KCNN2: variants seen among roughly 807,000 people sequenced by gnomAD.
KCNN2 encodes potassium calcium-activated channel subfamily N member 2.
In KCNN2, 24 loss-of-function variants were observed where a neutral mutation model predicts 55.5. The ratio of observed to expected loss-of-function variants is 0.43; its 90% CI spans 0.31 to 0.61. The LOEUF (loss-of-function observed/expected upper bound fraction) is 0.61, where lower values mean the gene tolerates loss of function less well. KCNN2 is among the 20% of genes least tolerant of loss of function. The pLI is 0.08. For synonymous variants in KCNN2, 431 were observed against 336.1 expected, an observed-to-expected ratio of 1.28 and a Z score of -3.09; for missense variants, 754 against 853.6, an observed-to-expected ratio of 0.88 and a Z score of 1.45.
intron 2 of KCNN2, among the ~76,000 whole-genome samples, chr5:114,350,856 T>C (rs1757193612): frequency 6.6e-6 from 1 of 151,898 alleles, no homozygotes; most frequent in Non-Finnish European, 1.5e-5. Context: ...TTGATTACTA[T>C]ACCTTTGCAG....
intron 1 of KCNN2, among the ~76,000 whole-genome samples, chr5:114,144,510 G>A (rs1400511936): frequency 2.0e-5 from 3 of 152,034 alleles, no homozygotes; most frequent in Non-Finnish European, 4.4e-5. Context: ...AGAATTTTTT[G>A]TAGAATATTG....
At chr5:114,199,382 T>G (rs1753623475) in intron 1 of KCNN2, among the ~76,000 whole-genome samples, 1 of 152,092 alleles carries the variant, frequency 6.6e-6, no homozygotes, top group Non-Finnish European at 1.5e-5. Context: ...TGCCAATCTG[T>G]ATCTTTTAAG....
chr5:114,159,312 T>C (rs1341422906), intron 1 of KCNN2, among the ~76,000 whole-genome samples: 1 of 152,212 alleles, frequency 6.6e-6, no homozygotes, highest in Non-Finnish European at 1.5e-5. Flanking sequence ...CATTTATTGA[T>C]TTTCATATAT....
chr5:114,467,904 T>C (rs1489403606), intron 4 of KCNN2, among the ~76,000 whole-genome samples: 3 of 152,178 alleles, frequency 2.0e-5, no homozygotes, highest in Non-Finnish European at 1.5e-5. Flanking sequence ...TCAGGAGATT[T>C]AAACCGAGGG....
chr5:114,122,250 A>T (rs1458267740), intron 1 of KCNN2, among the ~76,000 whole-genome samples: 1 of 152,162 alleles, frequency 6.6e-6, no homozygotes, highest in Non-Finnish European at 1.5e-5. Context: ...GAGCCATGGC[A>T]TTGTGAGTAA....
intron 1 of KCNN2, among the ~76,000 whole-genome samples, chr5:114,195,318 G>A (rs550123130): frequency 2.6e-5 from 4 of 151,660 alleles, no homozygotes; most frequent in African/African-American, 9.7e-5. Context: ...TCTGAACCAT[G>A]GATGTGAAAT....
chr5:114,393,956 A>G (rs937493540), intron 2 of KCNN2, among the ~76,000 whole-genome samples: 5 of 136,064 alleles, frequency 3.7e-5, no homozygotes, highest in African/African-American at 5.9e-5. Flanking sequence ...TATACAAGCA[A>G]TGCTGCAACA....
At chr5:114,184,196 A>G (rs148092087) in intron 1 of KCNN2, among the ~76,000 whole-genome samples, 4 of 152,322 alleles carry the variant, frequency 2.6e-5, no homozygotes, top group Non-Finnish European at 5.9e-5. Context: ...ACTCAGTATC[A>G]TAGTGTTCTC....
intron 1 of KCNN2, among the ~76,000 whole-genome samples, chr5:114,157,956 G>C (rs112016817): frequency 0.31 from 46,033 of 150,766 alleles, 7,606 homozygotes; most frequent in Non-Finnish European, 0.38. Context: ...TGTAGGTTGC[G>C]TGTTCACTCT....
rs190459370 is a variant in KCNN2, at chr5:114,100,323, G to A, written c.-271+43823G>A. ...ATGGAGCTCTAGCTTTCTTCCCTTA[G>A]TGGAATATATTTTAAAAGTAAAATG... On this transcript the variant is annotated intron_variant, in intron 1 of 10. Transcript: ENST00000512097. Among the ~76,000 whole-genome samples the A allele has an allele frequency of 1.7e-3, 258 of 152,206 alleles. 1 individual carries two copies. The highest frequency in any genetic ancestry group is 5.8e-3 in the African/African-American group (241 of 41,544).
Position 114,404,543 on chromosome 5 carries a change from C to G in KCNN2, c.1324C>G (p.Pro442Ala). ...EILVCAIHPI[P>A]GNYTFTWTAR... ...ACTGGTGTGTGCTATTCATCCCATA[C>G]CTGGGAATTATACATTCACATGGAC... Residue 442 changes from proline (P) to alanine (A), a missense_variant, in exon 3 of 8, where the codon CCT (proline) becomes GCT (alanine). This residue lies in a region of KCNN2 where 123 missense variants were observed against 204.9 expected (regional missense o/e 0.60). Transcript: ENST00000673685. 1 of 1,613,422 alleles carries G rather than the reference C, an allele frequency of 6.2e-7. No homozygotes were observed. Among genetic ancestry groups the G allele is most frequent in the Non-Finnish European group, 8.5e-7 (1 of 1,179,626 alleles).
chr5:114,101,953 A>G (rs1751382049), intron 1 of KCNN2, among the ~76,000 whole-genome samples: 4 of 152,156 alleles, frequency 2.6e-5, no homozygotes, highest in Non-Finnish European at 5.9e-5. Flanking sequence ...ATACCCAGTA[A>G]TGGGATTGCT....
intron 1 of KCNN2, among the ~76,000 whole-genome samples, chr5:114,134,910 A>G (rs1263087650): frequency 1.3e-5 from 2 of 152,250 alleles, no homozygotes; most frequent in Non-Finnish European, 2.9e-5. Flanking sequence ...TAGGAAAAGC[A>G]TGGAATTTAA....
chr5:114,294,970 GT>G (rs896266348), intron 2 of KCNN2, among the ~76,000 whole-genome samples: 71 of 152,258 alleles, frequency 4.7e-4, no homozygotes, highest in Middle Eastern at 3.4e-3. Flanking sequence ...TTTAAAGTCT[GT>G]TTTATCAGAG....
At chr5:114,304,398 A>G (rs551098275) in intron 2 of KCNN2, among the ~76,000 whole-genome samples, 1 of 152,188 alleles carries the variant, frequency 6.6e-6, no homozygotes, top group South Asian at 2.1e-4. Flanking sequence ...TGAATGTACC[A>G]TTTTTGCAGT....
intron 4 of KCNN2, 127 bp from the exon 5 acceptor site, chr5:114,472,927 A>G (rs1469443374): frequency 1.8e-6 from 1 of 549,206 alleles, no homozygotes; most frequent in Non-Finnish European, 3.2e-6. Flanking sequence ...ATTTTCTGTA[A>G]TACTTATTGA....
At chr5:114,086,425 C>T (rs1181149637) in intron 1 of KCNN2, among the ~76,000 whole-genome samples, 1 of 151,190 alleles carries the variant, frequency 6.6e-6, no homozygotes, top group Middle Eastern at 3.2e-3. Context: ...AAGTCCCTGT[C>T]TCACACGTTT....
At chr5:114,264,237 T>G (rs1755165666) in intron 2 of KCNN2, among the ~76,000 whole-genome samples, 1 of 152,294 alleles carries the variant, frequency 6.6e-6, no homozygotes, top group South Asian at 2.1e-4. Flanking sequence ...ACATGAGATG[T>G]GATCATTAAC....
At chr5:114,445,117 T>A (rs1760353533) in intron 3 of KCNN2, among the ~76,000 whole-genome samples, 1 of 152,176 alleles carries the variant, frequency 6.6e-6, no homozygotes, top group Admixed American at 6.5e-5. Flanking sequence ...TATGTATACA[T>A]GCAATGTGGG....
Sources: allele counts gnomAD v4.1 joint callset (sites outside exome capture counted in the v4.1 genomes callset), GRCh38; gene constraint gnomAD v4.1.1; regional missense constraint gnomAD v4.1.1; transcripts MANE v1.5; gene names NCBI Gene and HGNC (gene_info 2026-07-23, HGNC 2026-07-21).